ANKHD1: variants seen among roughly 807,000 people sequenced by gnomAD.
ANKHD1 encodes the protein ankyrin repeat and KH domain containing 1.
In ANKHD1, 31 loss-of-function variants were observed where a neutral mutation model predicts 230.5. That is an observed-to-expected ratio of 0.13 (90% CI 0.10 to 0.18). The LOEUF (loss-of-function observed/expected upper bound fraction) is 0.18. Ranked by LOEUF, ANKHD1 falls within the 10% of genes least tolerant of loss-of-function variation. The pLI is 1.00. For synonymous variants in ANKHD1, 1,074 were observed against 1,117.6 expected (o/e 0.96, Z 0.78); for missense variants, 2,256 against 3,071.3 (o/e 0.73, Z 6.27).
At chr5:140,488,713 G>A (rs767573913) in intron 14 of ANKHD1, among the ~76,000 whole-genome samples, 9 of 151,616 alleles carry the variant, frequency 5.9e-5, no homozygotes, top group African/African-American at 9.7e-5. Context: ...GAGCCTGGCC[G>A]ACATGGTGAA....
chr5:140,471,563 A>C (rs1261297364), intron 10 of ANKHD1, among the ~76,000 whole-genome samples: 1 of 152,212 alleles, frequency 6.6e-6, no homozygotes, highest in Non-Finnish European at 1.5e-5. Flanking sequence ...AGCACATCAC[A>C]TAGGTAGGAA....
intron 5 of ANKHD1, among the ~76,000 whole-genome samples, chr5:140,444,186 G>A (rs1016419654): frequency 4.1e-5 from 6 of 145,194 alleles, no homozygotes; most frequent in African/African-American, 1.3e-4. Flanking sequence ...GGGCTCCTCC[G>A]TACACTCTCC....
Position 140,528,321 on chromosome 5 carries a change from T to A in ANKHD1, c.5375T>A (p.Phe1792Tyr). The A allele has an allele frequency of 6.2e-7, 1 of 1,614,106 alleles. No individual in the cohort carries two copies. The highest frequency in any genetic ancestry group is 8.5e-7 in the Non-Finnish European group (1 of 1,180,020). Reference protein sequence around the residue: ...PASTKSIHANFSSGVGTTAAS... With the variant: ...PASTKSIHANYSSGVGTTAAS... Reference sequence around the variant, plus strand: ...AGCACCAAATCAATTCATGCTAACTTCTCATCTGGAGTAGGTACCACAGCA... The same window carrying A: ...AGCACCAAATCAATTCATGCTAACTACTCATCTGGAGTAGGTACCACAGCA... Residue 1792 changes from phenylalanine (F) to tyrosine (Y), a missense_variant, in exon 29 of 34, where the codon TTC becomes TAC. This residue lies in a region of ANKHD1 where 778 missense variants were observed against 966.5 expected (regional missense o/e 0.80). Transcript: ENST00000360839.
Position 140,507,923 on chromosome 5 carries a change from G to C in ANKHD1, c.3690G>C (p.Leu1230=). 6.2e-7 allele frequency: 1 copy of C among 1,613,906 alleles called. No homozygotes were observed. The highest frequency in any genetic ancestry group is 1.1e-5 in the South Asian group (1 of 91,066). ...CCAATCGGAACACGGCTCTCACCCT[G>C]GCCTGTTTCCAGGGCCGAGCAGAAG... ...IETNRNTALT[L]ACFQGRAEVV... Residue 1230 remains leucine, a synonymous_variant, in exon 20 of 34, where the codon CTG becomes CTC. Coordinates refer to ENST00000360839, the MANE Select transcript of ANKHD1 (RefSeq NM_017747.3). The surrounding 1 kb of genome is among the most constrained non-coding windows in gnomAD (Gnocchi z 4.1).
chr5:140,505,063 G>T (rs1206776832), intron 16 of ANKHD1, 59 bp from the exon 17 acceptor site: 16 of 1,602,218 alleles, frequency 1.0e-5, no homozygotes, highest in Non-Finnish European at 1.2e-5. Context: ...AATATTATTT[G>T]CTCTTAAATT....
At chr5:140,488,483 G>A (rs914153425) in intron 14 of ANKHD1, among the ~76,000 whole-genome samples, 1 of 152,000 alleles carries the variant, frequency 6.6e-6, no homozygotes, top group African/African-American at 2.4e-5. Flanking sequence ...CTAGTTGGGA[G>A]GCTGAGGCAG....
At chr5:140,441,166 T>C in intron 5 of ANKHD1, 24 bp downstream of exon 5, 2 of 1,505,814 alleles carry the variant, frequency 1.3e-6, no homozygotes, top group Non-Finnish European at 1.8e-6. Context: ...GATGTATTAA[T>C]TGGGAGAAAA....
intron 1 of ANKHD1, among the ~76,000 whole-genome samples, chr5:140,431,918 T>G (rs1223215650): frequency 6.6e-6 from 1 of 152,208 alleles, no homozygotes; most frequent in Non-Finnish European, 1.5e-5. Context: ...ATGCTATTAT[T>G]GACACCCAGG....
At chr5:140,499,333 T>C (rs1198604859) in intron 15 of ANKHD1, among the ~76,000 whole-genome samples, 5 of 152,116 alleles carry the variant, frequency 3.3e-5, no homozygotes, top group Non-Finnish European at 5.9e-5. Flanking sequence ...GTAAAACATA[T>C]TAACATATTG....
At position 140,527,999 on chromosome 5, in the gene ANKHD1, T is replaced by C; in HGVS notation, c.5214T>C (p.Asn1738=). ...ATGTGGATAAACAAAAAGATAAGAA[T>C]GGCGAGAGAATGATCACAATAAGGT... ...HIDVDKQKDK[N]GERMITIRGG... The change falls in exon 28 of 34, where the codon AAT becomes AAC. Residue 1738 remains asparagine (N), a synonymous_variant. Coordinates refer to ENST00000360839, the MANE Select transcript of ANKHD1 (RefSeq NM_017747.3). The surrounding 1 kb of genome is among the most constrained non-coding windows in gnomAD (Gnocchi z 4.5). 1 of 1,613,756 alleles carries C rather than the reference T, an allele frequency of 6.2e-7. No homozygotes were observed. Among genetic ancestry groups the C allele is most frequent in the Non-Finnish European group, 8.5e-7 (1 of 1,179,784 alleles).
intron 20 of ANKHD1, among the ~76,000 whole-genome samples, chr5:140,508,700 G>A (rs1017309026): frequency 7.9e-5 from 12 of 151,936 alleles, no homozygotes; most frequent in African/African-American, 2.7e-4. Flanking sequence ...AGGTTGCACT[G>A]AGCAGAGATC....
chr5:140,512,398 T>C (rs1025487), intron 22 of ANKHD1, among the ~76,000 whole-genome samples: 2,463 of 152,270 alleles, frequency 0.016, 72 homozygotes, highest in African/African-American at 0.056. Context: ...AGTAAGACTT[T>C]GAAATTTAAA....
intron 2 of ANKHD1, among the ~76,000 whole-genome samples, chr5:140,436,905 TTAATC>T (rs762236901): frequency 3.3e-5 from 5 of 152,250 alleles, no homozygotes; most frequent in Non-Finnish European, 2.9e-5. Context: ...TGTATTCACT[TTAATC>T]TATGTTTAAC....
At position 140,487,057 on chromosome 5, in the gene ANKHD1, A is replaced by G. The variant is rs1345248824; in HGVS notation, c.2242A>G (p.Lys748Glu). The G allele has an allele frequency of 1.2e-6, 2 of 1,606,682 alleles. No homozygotes were observed. Among genetic ancestry groups the G allele is most frequent in the African/African-American group, 1.3e-5 (1 of 74,498 alleles). Residue 748 changes from lysine to glutamate, a missense_variant, in exon 14 of 34, where the codon AAA (lysine) becomes GAA (glutamate). Coordinates refer to ENST00000360839, the MANE Select transcript of ANKHD1 (RefSeq NM_017747.3). ...ENSPALLGVQKGTSKQKSSSL... is the reference protein window; with the variant it reads ...ENSPALLGVQEGTSKQKSSSL... ...CTCTCCTGCCCTTTTAGGAGTGCAA[A>G]AAGGTTAGTTATTGAATTATTTTTC...
At chr5:140,493,752 C>T (rs370915887) in intron 14 of ANKHD1, among the ~76,000 whole-genome samples, 3 of 152,136 alleles carry the variant, frequency 2.0e-5, no homozygotes, top group African/African-American at 4.8e-5. Flanking sequence ...ATGCTACATA[C>T]GTTCTGGGCT....
chr5:140,462,974 T>C (rs1208257114), intron 9 of ANKHD1, among the ~76,000 whole-genome samples: 1 of 151,994 alleles, frequency 6.6e-6, no homozygotes, highest in African/African-American at 2.4e-5. Context: ...GCCTTCCAAG[T>C]AGCTGGGACT....
In ANKHD1 at chr5:140,538,268, T is replaced by TG; in HGVS notation, c.7404+8dup. 1.2e-6 allele frequency: 2 copies of TG among 1,613,226 alleles called. No individual in the cohort carries two copies. Among genetic ancestry groups the TG allele is most frequent in the Non-Finnish European group, 1.7e-6 (2 of 1,179,482 alleles). On this transcript the variant is annotated splice_region_variant and intron_variant, in intron 32 of 33. Coordinates refer to ENST00000360839, the MANE Select transcript of ANKHD1 (RefSeq NM_017747.3). ...TTTTGTGGATTTTTCTAAAGTGAGT[T>TG]GACAAACATCACTGTAACTTGATTG...
At chr5:140,416,256 G>A (rs565753647) in intron 1 of ANKHD1, among the ~76,000 whole-genome samples, 11 of 152,290 alleles carry the variant, frequency 7.2e-5, no homozygotes, top group Admixed American at 2.0e-4. Context: ...GTACGTGTGC[G>A]TGTGTCTTTA....
intron 1 of ANKHD1, among the ~76,000 whole-genome samples, chr5:140,418,296 A>G: frequency 6.6e-6 from 1 of 151,846 alleles, no homozygotes; most frequent in East Asian, 1.9e-4. Context: ...GATGTGCACC[A>G]CTACAGTGGC....
Sources: allele counts gnomAD v4.1 joint callset (sites outside exome capture counted in the v4.1 genomes callset), GRCh38; gene constraint gnomAD v4.1.1; regional missense constraint gnomAD v4.1.1; non-coding constraint Gnocchi (gnomAD v3.1); transcripts MANE v1.5; gene names NCBI Gene and HGNC (gene_info 2026-07-23, HGNC 2026-07-21).